Variants in NDRG4 observed in about 807,000 individuals in gnomAD.
The protein encoded by NDRG4 is NDRG family member 4, also known as protein NDRG4.
NDRG4 carries 38 observed loss-of-function variants against 55.8 expected under a neutral mutation model. The ratio of observed to expected loss-of-function variants is 0.68; its 90% confidence interval spans 0.53 to 0.89. The LOEUF (loss-of-function observed/expected upper bound fraction) is 0.89. Among genes scored for constraint, NDRG4 ranks in the 40% least tolerant of loss-of-function variants. The probability of loss-of-function intolerance (pLI) is 0.00; values close to 1 mark genes in which losing one functional copy is unlikely to be tolerated. For synonymous variants in NDRG4, 190 were observed against 182.7 expected, an observed-to-expected ratio of 1.04 and a Z score of -0.32; for missense variants, 455 against 468.6, an observed-to-expected ratio of 0.97 and a Z score of 0.27.
chr16:58,475,605 T>G (rs2033510367), intron 1 of NDRG4: 4 of 456,026 alleles, frequency 8.8e-6, no homozygotes, highest in African/African-American at 8.0e-5. Context: ...TTCTCTCTCA[T>G]AACCAGGATC....
chr16:58,510,798 T>C (rs2518460), intron 14 of NDRG4, 115 bp downstream of exon 14: 1 of 962,646 alleles, frequency 1.0e-6, no homozygotes. Context: ...TGGAACCTTC[T>C]TGTGTCCTGT....
chr16:58,500,929 G>C, intron 1 of NDRG4: 1 of 1,123,520 alleles, frequency 8.9e-7, no homozygotes, highest in Non-Finnish European at 1.1e-6. Context: ...CAGCCTTTCA[G>C]GCAGGGGTCC....
intron 11 of NDRG4, 69 bp from the exon 12 acceptor site, chr16:58,509,085 C>A: frequency 6.2e-7 from 1 of 1,613,828 alleles, no homozygotes; most frequent in Non-Finnish European, 8.5e-7. Flanking sequence ...TTCCTGGGGT[C>A]CCAGCCAGGG....
intron 5 of NDRG4, chr16:58,506,163 T>TGTGTGTGTGTGTGTGTGG: frequency 1.5e-6 from 1 of 676,344 alleles, no homozygotes; most frequent in Admixed American, 2.1e-5. Context: ...TGTGTCTGTG[T>TGTGTGTGTGTGTGTGTGG]GTGTGTAGGG....
chr16:58,507,599 G>A (rs2038211976), intron 8 of NDRG4: 1 of 564,674 alleles, frequency 1.8e-6, no homozygotes, highest in Non-Finnish European at 3.1e-6. Flanking sequence ...CGGTGCGCAT[G>A]GCTCTGAGGG....
In NDRG4 at chr16:58,507,007, G is replaced by A; in HGVS notation, c.612G>A (p.Met204Ile). 1 of 1,613,134 alleles carries A rather than the reference G, an allele frequency of 6.2e-7. No homozygotes were observed. Among genetic ancestry groups the A allele is most frequent in the Middle Eastern group, 1.7e-4 (1 of 6,056 alleles). Residue 204 changes from methionine to isoleucine, a missense_variant, in exon 8 of 15, where the codon ATG (methionine) becomes ATA (isoleucine). Coordinates refer to ENST00000570248, the MANE Select transcript of NDRG4 (RefSeq NM_001242835.2). ...CCAACCTGCAGCTCTTCTGGAACAT[G>A]TACAACAGGTGCGGGTGGGATCAGC... ...NQANLQLFWN[M>I]YNSRRDLDIN...
In NDRG4 at chr16:58,503,921, T is replaced by C. The variant is rs549958892; in HGVS notation, c.127+18T>C. 6.2e-7 allele frequency: 1 copy of C among 1,612,744 alleles called. No homozygotes were observed. The highest frequency in any genetic ancestry group is 2.2e-5 in the East Asian group (1 of 44,854). ...CCTCAACCGTAAGTGCAGCCCAGCC[T>C]CAGTCAGCCCTCCTCTGCCTCCCAT... On this transcript the variant is annotated intron_variant, in intron 2 of 14. Coordinates refer to ENST00000570248, the MANE Select transcript of NDRG4 (RefSeq NM_001242835.2).
At chr16:58,503,986 CCT>C (rs1304511893) in intron 2 of NDRG4, 83 bp downstream of exon 2, 1 of 1,551,690 alleles carries the variant, frequency 6.4e-7, no homozygotes, top group South Asian at 1.1e-5. Flanking sequence ...CCCACAGGGC[CCT>C]GTCAGCCCCA....
At chr16:58,465,178 T>G (rs1427608752) in intron 1 of NDRG4, 2 of 1,174,710 alleles carry the variant, frequency 1.7e-6, no homozygotes, top group Admixed American at 4.6e-5. Flanking sequence ...CCCGGTTTCC[T>G]CCAGCTCTGG....
chr16:58,465,092 G>C (rs1358021117), intron 1 of NDRG4: 20 of 1,201,674 alleles, frequency 1.7e-5, no homozygotes, highest in African/African-American at 4.6e-5. Context: ...GAGCAGGGAC[G>C]GGGGGGAGGA....
intron 1 of NDRG4, among the ~76,000 whole-genome samples, chr16:58,465,866 G>T (rs928063400): frequency 6.6e-6 from 1 of 152,196 alleles, no homozygotes; most frequent in East Asian, 1.9e-4. Flanking sequence ...AGTTAGCCAC[G>T]GGGCTGGCAC....
Position 58,500,151 on chromosome 16 carries a change from G to T in NDRG4, c.-98G>T. On this transcript the variant is annotated 5_prime_UTR_variant, in exon 1 of 15. Coordinates refer to ENST00000570248, the MANE Select transcript of NDRG4 (RefSeq NM_001242835.2). ...AGGAGCTGTGCCCCATCACAGAGCCGACCATCTCCCACTCGAGCTGCCCCC... is the reference window on the plus strand; with the variant it reads ...AGGAGCTGTGCCCCATCACAGAGCCTACCATCTCCCACTCGAGCTGCCCCC... The T allele has an allele frequency of 2.0e-6, 3 of 1,535,250 alleles. No homozygotes were observed. The highest frequency in any genetic ancestry group is 1.2e-5 in the South Asian group (1 of 83,770).
At position 58,500,171 on chromosome 16, in the gene NDRG4, G is replaced by A; in HGVS notation, c.-78G>A. 1.3e-6 allele frequency: 2 copies of A among 1,535,778 alleles called. No homozygotes were observed. Among genetic ancestry groups the A allele is most frequent in the South Asian group, 1.2e-5 (1 of 83,984 alleles). ...GAGCCGACCATCTCCCACTCGAGCT[G>A]CCCCCGCCCTCTGGACCCGAGTGAC... is the stretch of plus-strand genomic sequence containing the variant. On this transcript the variant is annotated 5_prime_UTR_variant, in exon 1 of 15. Transcript: ENST00000570248.
At chr16:58,503,041 G>A (rs2037365240) in intron 1 of NDRG4, among the ~76,000 whole-genome samples, 1 of 152,244 alleles carries the variant, frequency 6.6e-6, no homozygotes, top group African/African-American at 2.4e-5. Flanking sequence ...TGGAGAGGCT[G>A]AGGCACAGCA....
At chr16:58,501,553 A>C in intron 1 of NDRG4, 1 of 159,044 alleles carries the variant, frequency 6.3e-6, no homozygotes, top group South Asian at 1.9e-4. Flanking sequence ...GCAGCGCTCC[A>C]AGGGACGGGG....
intron 1 of NDRG4, chr16:58,475,760 C>T: frequency 2.4e-6 from 1 of 412,638 alleles, no homozygotes; most frequent in Non-Finnish European, 4.8e-6. Context: ...ATCTGTATTC[C>T]AGCCAGGAGG....
At chr16:58,504,079 G>A in intron 2 of NDRG4, 75 bp from the exon 3 acceptor site, 1 of 1,602,084 alleles carries the variant, frequency 6.2e-7, no homozygotes, top group South Asian at 1.1e-5. Context: ...TGCCTTGCCT[G>A]CCCTCTGGGG....
chr16:58,515,139 G>A (rs2039073002), downstream of NDRG4, among the ~76,000 whole-genome samples: 1 of 152,168 alleles, frequency 6.6e-6, no homozygotes, highest in Non-Finnish European at 1.5e-5. Context: ...ACAAGGGGTC[G>A]AGATCAGGAG....
Position 58,506,933 on chromosome 16 carries a change from G to A in NDRG4, c.538G>A (p.Glu180Lys), listed in dbSNP as rs762898432. The part of the protein sequence containing the change: ...FSQEELVNNT[E>K]LVQSYRQQIG... ...CTAGGAGGAGCTGGTGAACAACACA[G>A]AGTTGGTGCAGAGCTACCGGCAGCA... is the stretch of plus-strand genomic sequence containing the variant. Residue 180 changes from glutamate (E) to lysine (K), a missense_variant, in exon 8 of 15, where the codon GAG (glutamate) becomes AAG (lysine). By Grantham distance (56) the Glu-to-Lys change is moderately conservative. Coordinates refer to ENST00000570248, the MANE Select transcript of NDRG4 (RefSeq NM_001242835.2). 1 of 1,614,132 alleles carries A rather than the reference G, an allele frequency of 6.2e-7. No individual in the cohort carries two copies. Among genetic ancestry groups the A allele is most frequent in the Non-Finnish European group, 8.5e-7 (1 of 1,180,002 alleles).
Sources: gnomAD v4.1 joint callset for allele counts (sites outside exome capture counted in the v4.1 genomes callset) on GRCh38, gnomAD v4.1.1 for gene constraint, MANE v1.5 for transcripts, NCBI Gene and HGNC (gene_info 2026-07-23, HGNC 2026-07-21) for gene names.